The following PIAS1 variants were observed in gnomAD, a reference collection of about 807,000 sequenced individuals.
The protein encoded by PIAS1 is E3 SUMO-protein ligase PIAS1.
A neutral mutation model predicts 71.3 loss-of-function variants in PIAS1; 6 were observed. That is an observed-to-expected ratio of 0.08 (90% CI 0.05 to 0.17). The LOEUF (loss-of-function observed/expected upper bound fraction) is 0.17, where lower values mean the gene tolerates loss of function less well. PIAS1 is among the 10% of genes least tolerant of loss of function. The probability of loss-of-function intolerance (pLI) is 1.00; values close to 1 mark genes in which losing one functional copy is unlikely to be tolerated. For synonymous variants in PIAS1, 303 were observed against 292.9 expected, an observed-to-expected ratio of 1.03 and a Z score of -0.35; for missense variants, 555 against 793.6, an observed-to-expected ratio of 0.70 and a Z score of 3.61.
intron 1 of PIAS1, among the ~76,000 whole-genome samples, chr15:68,071,802 G>A (rs1469163111): frequency 6.6e-6 from 1 of 151,676 alleles, no homozygotes; most frequent in Non-Finnish European, 1.5e-5. Flanking sequence ...ACAGAAATTA[G>A]CCATGGGGAG....
intron 3 of PIAS1, 118 bp downstream of exon 3, chr15:68,142,148 T>C (rs1034936088): frequency 1.1e-6 from 1 of 949,636 alleles, no homozygotes; most frequent in Non-Finnish European, 1.7e-6. Flanking sequence ...ATATTAGTAA[T>C]GAAAGTATAG....
At chr15:68,112,500 A>C (rs948981044) in intron 2 of PIAS1, among the ~76,000 whole-genome samples, 1 of 152,076 alleles carries the variant, frequency 6.6e-6, no homozygotes, top group Non-Finnish European at 1.5e-5. Context: ...GTCATCAGTG[A>C]CCATTATACC....
chr15:68,135,422 C>T (rs1186237635), intron 2 of PIAS1, among the ~76,000 whole-genome samples: 21 of 39,856 alleles, frequency 5.3e-4, no homozygotes, highest in African/African-American at 1.1e-3. Flanking sequence ...GAGGGGCTCC[C>T]CACCTCCCAG....
intron 1 of PIAS1, among the ~76,000 whole-genome samples, chr15:68,069,833 T>C (rs1389560754): frequency 6.6e-6 from 1 of 151,804 alleles, no homozygotes; most frequent in Non-Finnish European, 1.5e-5. Context: ...GAAATTACAT[T>C]CTAGTACTCC....
At chr15:68,077,793 G>T (rs1363188266) in intron 1 of PIAS1, among the ~76,000 whole-genome samples, 1 of 152,148 alleles carries the variant, frequency 6.6e-6, no homozygotes, top group Non-Finnish European at 1.5e-5. Context: ...TCCACTACTT[G>T]CTAGCTCTGT....
intron 2 of PIAS1, among the ~76,000 whole-genome samples, chr15:68,114,722 G>A (rs2092551161): frequency 6.6e-6 from 1 of 151,680 alleles, no homozygotes; most frequent in Non-Finnish European, 1.5e-5. Flanking sequence ...ATTATTTTAT[G>A]TATCTAGATT....
At chr15:68,099,259 CTTT>C (rs554957140) in intron 2 of PIAS1, among the ~76,000 whole-genome samples, 5 of 132,658 alleles carry the variant, frequency 3.8e-5, no homozygotes, top group South Asian at 2.3e-4. Context: ...ATATATATTT[CTTT>C]TTTTTTTTTT....
chr15:68,179,254 T>C (rs1275886012), intron 11 of PIAS1, among the ~76,000 whole-genome samples: 1 of 152,216 alleles, frequency 6.6e-6, no homozygotes, highest in Non-Finnish European at 1.5e-5. Context: ...GTAAAACATT[T>C]TGTTGTCTTT....
chr15:68,122,470 T>C (rs1341128637), intron 2 of PIAS1, among the ~76,000 whole-genome samples: 1 of 152,138 alleles, frequency 6.6e-6, no homozygotes, highest in Non-Finnish European at 1.5e-5. Flanking sequence ...TTTAGAACTC[T>C]GCCAAGCTAA....
intron 1 of PIAS1, among the ~76,000 whole-genome samples, chr15:68,079,725 T>A (rs1250699860): frequency 6.6e-6 from 1 of 152,254 alleles, no homozygotes; most frequent in East Asian, 1.9e-4. Context: ...GTGTTCCTCC[T>A]GCCTCAGCCT....
intron 7 of PIAS1, among the ~76,000 whole-genome samples, chr15:68,157,099 G>C (rs1278104215): frequency 6.6e-6 from 1 of 152,178 alleles, no homozygotes; most frequent in African/African-American, 2.4e-5. Flanking sequence ...TCAAGCACTA[G>C]GTAACATGGT....
At chr15:68,113,761 G>T (rs1010613052) in intron 2 of PIAS1, among the ~76,000 whole-genome samples, 15 of 152,054 alleles carry the variant, frequency 9.9e-5, no homozygotes, top group Non-Finnish European at 1.0e-4. Context: ...GGCTTATTAG[G>T]AACCTGATAA....
chr15:68,059,872 C>G (rs1041835598), intron 1 of PIAS1, among the ~76,000 whole-genome samples: 3 of 152,142 alleles, frequency 2.0e-5, no homozygotes, highest in Admixed American at 1.3e-4. Context: ...GACACTGTGC[C>G]TCTGTGCTCG....
chr15:68,186,382 G>T lies in PIAS1; in HGVS notation c.1663-1160G>T, dbSNP rs1397245175. Among the ~76,000 whole-genome samples, 1 of 152,074 alleles carries T rather than the reference G, an allele frequency of 6.6e-6. No homozygotes were observed. The highest frequency in any genetic ancestry group is 1.5e-5 in the Non-Finnish European group (1 of 68,020). On this transcript the variant is annotated intron_variant, in intron 13 of 13. Transcript: ENST00000249636. This position sits in a 1 kb window ranked among gnomAD's most constrained non-coding sequence, Gnocchi z 4.4. ...TTAAAAATAGAGACTTACAGAATAA[G>T]GATATAAAGAAGGAAATATTTTTGT...
In PIAS1 at chr15:68,179,564, C is replaced by CTTTTTTTTTTTTTTTTTTTTTTTTTTT. The variant is rs766344324; in HGVS notation, c.1482-1646_1482-1620dup. Among the ~76,000 whole-genome samples, 29 of 40,106 alleles carry CTTTTTTTTTTTTTTTTTTTTTTTTTTT rather than the reference C, an allele frequency of 7.2e-4. 11 individuals are homozygous for CTTTTTTTTTTTTTTTTTTTTTTTTTTT. Among genetic ancestry groups the CTTTTTTTTTTTTTTTTTTTTTTTTTTT allele is most frequent in the East Asian group, 2.0e-3 (2 of 998 alleles). 26.3% of individuals were successfully genotyped at this position (40,106 alleles called of 152,430 possible). A position where few individuals can be genotyped will look rare whatever the true frequency, so the allele number is the denominator to read the frequency against. ...CAACCTTGTCATCTCGTGAAATGTTCTTTTTTTTTTTTTTTTTTTTTTTTT... is the reference window on the plus strand; with the variant it reads ...CAACCTTGTCATCTCGTGAAATGTTCTTTTTTTTTTTTTTTTTTTTTTTTTTTTTTTTTTTTTTTTTTTTTTTTTTTT... On this transcript the variant is annotated intron_variant, in intron 11 of 13. Coordinates refer to ENST00000249636, the MANE Select transcript of PIAS1 (RefSeq NM_016166.3).
At chr15:68,099,352 T>C (rs1474623311) in intron 2 of PIAS1, among the ~76,000 whole-genome samples, 2 of 151,606 alleles carry the variant, frequency 1.3e-5, no homozygotes, top group African/African-American at 2.4e-5. Context: ...ACTTAAGAAA[T>C]TTAGCACTTT....
chr15:68,091,486 A>G (rs2092332210), intron 2 of PIAS1, among the ~76,000 whole-genome samples: 1 of 152,180 alleles, frequency 6.6e-6, no homozygotes, highest in South Asian at 2.1e-4. Context: ...TTAGCTATTT[A>G]TATCTTCCTT....
chr15:68,128,359 G>T (rs1181967540), intron 2 of PIAS1, among the ~76,000 whole-genome samples: 1 of 152,188 alleles, frequency 6.6e-6, no homozygotes, highest in Admixed American at 6.5e-5. Context: ...TAGGGACAGG[G>T]TTTTGCCTTG....
chr15:68,149,348 A>G (rs1284672060), intron 6 of PIAS1, among the ~76,000 whole-genome samples: 1 of 149,476 alleles, frequency 6.7e-6, no homozygotes, highest in Non-Finnish European at 1.5e-5. Context: ...TTTTTTTTAA[A>G]CATTCTTTCT....
Sources: gnomAD v4.1 joint callset for allele counts (sites outside exome capture counted in the v4.1 genomes callset) on GRCh38, gnomAD v4.1.1 for gene constraint, Gnocchi (gnomAD v3.1) non-coding constraint, MANE v1.5 for transcripts, NCBI Gene and HGNC (gene_info 2026-07-23, HGNC 2026-07-21) for gene names.